STK39: variants seen among roughly 807,000 people sequenced by gnomAD.
STK39 encodes STE20/SPS1-related proline-alanine-rich protein kinase.
In STK39, 20 loss-of-function variants were observed where a neutral mutation model predicts 77.8. That is an observed-to-expected ratio of 0.26 (90% CI 0.18 to 0.37). The LOEUF (loss-of-function observed/expected upper bound fraction) is 0.37, where lower values mean the gene tolerates loss of function less well. Among genes scored for constraint, STK39 ranks in the 10% least tolerant of loss-of-function variants. The pLI, the probability that STK39 is intolerant of heterozygous loss-of-function variation, is 1.00. For missense variants in STK39, 479 were observed against 656.5 expected (o/e 0.73, Z 2.95); for synonymous variants, 246 against 234.1 (o/e 1.05, Z -0.47).
At chr2:168,137,163 G>A (rs1363069946) in intron 8 of STK39, among the ~76,000 whole-genome samples, 1 of 152,172 alleles carries the variant, frequency 6.6e-6, no homozygotes, top group African/African-American at 2.4e-5. Context: ...TCAAAATAAA[G>A]GAATCATTTC....
chr2:168,208,240 C>A (rs1689791889), intron 1 of STK39, among the ~76,000 whole-genome samples: 1 of 152,192 alleles, frequency 6.6e-6, no homozygotes, highest in Admixed American at 6.5e-5. Flanking sequence ...ATCACCTAAG[C>A]TCTGGCCAAT....
At position 168,075,109 on chromosome 2, in the gene STK39, C is replaced by G. The variant is rs56697518; in HGVS notation, c.1212G>C (p.Lys404Asn). The change falls in exon 11 of 18, where the codon AAG (lysine) becomes AAC (asparagine). Residue 404 changes from lysine to asparagine, a missense_variant and splice_region_variant. Physicochemically the swap from Lys to Asn is moderately conservative, Grantham distance 94 (BLOSUM62 0). This residue lies in a region of STK39 where 244 missense variants were observed against 296.8 expected (regional missense o/e 0.82). Coordinates refer to ENST00000355999, the MANE Select transcript of STK39 (RefSeq NM_013233.3). ...GCTCATCGTCAACGATGTCATTTACCTTTTCCTGAGAAAAAGCTGCTTTCC... is the reference window on the plus strand; with the variant it reads ...GCTCATCGTCAACGATGTCATTTACGTTTTCCTGAGAAAAAGCTGCTTTCC... ...EEGKAAFSQE[K>N]SRRVKEENPE... 1 of 1,614,156 alleles carries G rather than the reference C, an allele frequency of 6.2e-7. No individual in the cohort carries two copies. Among genetic ancestry groups the G allele is most frequent in the Non-Finnish European group, 8.5e-7 (1 of 1,180,028 alleles).
chr2:168,103,246 T>A (rs190766588), intron 10 of STK39, among the ~76,000 whole-genome samples: 44 of 152,348 alleles, frequency 2.9e-4, no homozygotes, highest in African/African-American at 1.0e-3. Flanking sequence ...TACTTTCTTA[T>A]CCTTATGTTC....
At chr2:168,148,359 G>A (rs1190619670) in intron 5 of STK39, among the ~76,000 whole-genome samples, 2 of 152,106 alleles carry the variant, frequency 1.3e-5, no homozygotes, top group Non-Finnish European at 2.9e-5. Context: ...AAACTGGGAG[G>A]GCCACCCCTT....
intron 1 of STK39, among the ~76,000 whole-genome samples, chr2:168,201,239 T>C (rs1186011965): frequency 2.0e-5 from 3 of 152,244 alleles, no homozygotes; most frequent in Non-Finnish European, 4.4e-5. Flanking sequence ...AGATTTTCTT[T>C]TTAAATATTT....
intron 17 of STK39, among the ~76,000 whole-genome samples, chr2:167,963,305 C>G (rs1255535580): frequency 6.6e-6 from 1 of 152,062 alleles, no homozygotes; most frequent in Non-Finnish European, 1.5e-5. Context: ...GCTGTTTTCA[C>G]AAAATCTTCG....
intron 16 of STK39, among the ~76,000 whole-genome samples, chr2:167,983,095 G>T (rs570149555): frequency 4.3e-4 from 65 of 152,246 alleles, no homozygotes; most frequent in African/African-American, 1.6e-3. Flanking sequence ...TTTTGTTGAG[G>T]ATAATATGTT....
At chr2:167,979,926 A>G (rs1265853852) in intron 16 of STK39, among the ~76,000 whole-genome samples, 1 of 152,230 alleles carries the variant, frequency 6.6e-6, no homozygotes, top group African/African-American at 2.4e-5. Flanking sequence ...TTCTGCCTAC[A>G]GCAAGAAGGT....
chr2:168,167,616 C>T (rs1453605639), intron 2 of STK39, among the ~76,000 whole-genome samples: 1 of 152,120 alleles, frequency 6.6e-6, no homozygotes, highest in Non-Finnish European at 1.5e-5. Flanking sequence ...TACAGGAGAC[C>T]ACAGAGCCCT....
At chr2:168,186,380 A>C (rs536529759) in intron 1 of STK39, among the ~76,000 whole-genome samples, 3 of 152,324 alleles carry the variant, frequency 2.0e-5, no homozygotes, top group African/African-American at 7.2e-5. Flanking sequence ...AAAGCCTTGA[A>C]ATGTCTGTTC....
intron 1 of STK39, among the ~76,000 whole-genome samples, chr2:168,188,980 C>G (rs1401900076): frequency 2.0e-5 from 3 of 152,204 alleles, no homozygotes; most frequent in African/African-American, 4.8e-5. Context: ...CCTAAGTGAC[C>G]TGGCTTGTGT....
chr2:168,002,827 C>T (rs976228991), intron 16 of STK39, among the ~76,000 whole-genome samples: 5 of 152,040 alleles, frequency 3.3e-5, no homozygotes, highest in South Asian at 4.2e-4. Context: ...TCTGTGCTTA[C>T]GTTTGTGTTC....
chr2:168,183,658 T>C (rs1054186513), intron 1 of STK39, among the ~76,000 whole-genome samples: 1 of 152,180 alleles, frequency 6.6e-6, no homozygotes, highest in East Asian at 1.9e-4. Flanking sequence ...TGAGCCTCAT[T>C]TGCTAGAGCT....
At chr2:168,236,496 T>C (rs946833873) in intron 1 of STK39, among the ~76,000 whole-genome samples, 131 of 152,342 alleles carry the variant, frequency 8.6e-4, no homozygotes, top group African/African-American at 3.0e-3. Context: ...TTGCCATTGC[T>C]TTTGGTGTTT....
chr2:168,051,553 G>A (rs544830212), intron 14 of STK39, among the ~76,000 whole-genome samples: 1 of 152,286 alleles, frequency 6.6e-6, no homozygotes, highest in Admixed American at 6.5e-5. Flanking sequence ...TACCATGCAA[G>A]ACTGACTCCT....
At chr2:168,231,918 C>A in intron 1 of STK39, 1 of 236,344 alleles carries the variant, frequency 4.2e-6, no homozygotes, top group South Asian at 7.8e-5. Context: ...GGCCACCCAC[C>A]AATCACCTCT....
chr2:168,051,317 A>G (rs535029809), intron 14 of STK39, among the ~76,000 whole-genome samples: 83 of 152,332 alleles, frequency 5.4e-4, no homozygotes, highest in African/African-American at 1.9e-3. Flanking sequence ...AGGATAACTT[A>G]AAATACAAAG....
chr2:167,980,188 T>C (rs906655373), intron 16 of STK39, among the ~76,000 whole-genome samples: 1 of 152,210 alleles, frequency 6.6e-6, no homozygotes, highest in African/African-American at 2.4e-5. Flanking sequence ...TCAATGCATA[T>C]AATCACTTGA....
chr2:168,163,903 T>G (rs1308252770), intron 3 of STK39, 23 bp from the exon 4 acceptor site: 3 of 1,608,692 alleles, frequency 1.9e-6, no homozygotes, highest in Non-Finnish European at 2.5e-6. Flanking sequence ...ACAGAAGAAT[T>G]AAAACATAAG....
Sources: allele counts gnomAD v4.1 joint callset (sites outside exome capture counted in the v4.1 genomes callset), GRCh38; gene constraint gnomAD v4.1.1; regional missense constraint gnomAD v4.1.1; transcripts MANE v1.5; gene names NCBI Gene and HGNC (gene_info 2026-07-23, HGNC 2026-07-21).